MAML2: variants seen among roughly 807,000 people sequenced by gnomAD.
MAML2 encodes the protein mastermind-like protein 2.
MAML2 carries 22 observed loss-of-function variants against 96.1 expected under a neutral mutation model. The ratio of observed to expected loss-of-function variants is 0.23; its 90% CI spans 0.16 to 0.33. The LOEUF (loss-of-function observed/expected upper bound fraction) is 0.33. Among genes scored for constraint, MAML2 ranks in the 10% least tolerant of loss-of-function variants. MAML2 has a pLI of 1.00. For synonymous variants in MAML2, 561 were observed against 521.3 expected (o/e 1.08, Z -1.04); for missense variants, 1,367 against 1,392.4 (o/e 0.98, Z 0.29).
intron 1 of MAML2, among the ~76,000 whole-genome samples, chr11:96,126,229 T>C (rs1009946679): frequency 6.6e-6 from 1 of 152,128 alleles, no homozygotes; most frequent in Non-Finnish European, 1.5e-5. Flanking sequence ...AACAAGAATG[T>C]AAGATTTTCT....
chr11:96,251,731 C>A (rs903898659), intron 1 of MAML2, among the ~76,000 whole-genome samples: 3 of 131,058 alleles, frequency 2.3e-5, no homozygotes, highest in Non-Finnish European at 3.2e-5. Context: ...CAAATACAAA[C>A]CCTTTTTTTT....
chr11:96,087,455 G>C (rs1362538497), intron 2 of MAML2, among the ~76,000 whole-genome samples: 1 of 152,202 alleles, frequency 6.6e-6, no homozygotes, highest in Non-Finnish European at 1.5e-5. Context: ...CAGTATGTCT[G>C]TATCAACCTT....
intron 4 of MAML2, 114 bp from the exon 5 acceptor site, chr11:95,980,077 G>A: frequency 6.6e-6 from 5 of 757,324 alleles, no homozygotes; most frequent in South Asian, 1.9e-5. Context: ...GACAATTTAG[G>A]CGAAATAATG....
chr11:96,120,976 T>TG (rs1191791271), intron 1 of MAML2, among the ~76,000 whole-genome samples: 1 of 152,176 alleles, frequency 6.6e-6, no homozygotes, highest in Non-Finnish European at 1.5e-5. Flanking sequence ...CTAGGGCAAG[T>TG]GCTGTGATTT....
chr11:95,998,174 G>GTCTGTCTGTCTGTCTATCTATCTA (rs139615820), intron 2 of MAML2, among the ~76,000 whole-genome samples: 7 of 147,824 alleles, frequency 4.7e-5, no homozygotes, highest in East Asian at 2.0e-4. Flanking sequence ...CTGTCTGTCT[G>GTCTGTCTGTCTGTCTATCTATCTA]TCTATCTATC....
In MAML2 at chr11:96,170,572, A is replaced by G. The variant is rs143759804; in HGVS notation, c.514-77055T>C. ...AGGAAGCTAAGCAAGAAGAGTGTAGATTCTATTCCTTCACAAAGAAGGGGT... is the reference window on the plus strand; with the variant it reads ...AGGAAGCTAAGCAAGAAGAGTGTAGGTTCTATTCCTTCACAAAGAAGGGGT... On this transcript the variant is annotated intron_variant, in intron 1 of 4. Coordinates refer to ENST00000524717, the MANE Select transcript of MAML2 (RefSeq NM_032427.4). Among the ~76,000 whole-genome samples the G allele has an allele frequency of 4.5e-3, 684 of 152,320 alleles. 4 individuals are homozygous for G. Among genetic ancestry groups the G allele is most frequent in the Middle Eastern group, 0.01 (3 of 294 alleles).
At chr11:96,017,900 T>G (rs1454807469) in intron 2 of MAML2, among the ~76,000 whole-genome samples, 1 of 152,176 alleles carries the variant, frequency 6.6e-6, no homozygotes, top group Non-Finnish European at 1.5e-5. Flanking sequence ...TAGCTTTTAC[T>G]TGAATAATAA....
intron 2 of MAML2, among the ~76,000 whole-genome samples, chr11:95,996,735 C>T (rs1857996144): frequency 6.6e-6 from 1 of 152,098 alleles, no homozygotes; most frequent in South Asian, 2.1e-4. Context: ...GCTGTCATTG[C>T]CAACATGTTG....
intron 1 of MAML2, among the ~76,000 whole-genome samples, chr11:96,121,048 A>G (rs1043982069): frequency 6.7e-6 from 1 of 149,068 alleles, no homozygotes; most frequent in South Asian, 2.2e-4. Flanking sequence ...ATTCATAACT[A>G]ACGAAAAAGT....
intron 1 of MAML2, among the ~76,000 whole-genome samples, chr11:96,129,057 T>G (rs541690255): frequency 6.6e-6 from 1 of 152,192 alleles, no homozygotes; most frequent in Non-Finnish European, 1.5e-5. Context: ...AGATTAGCCA[T>G]CTACATGGCA....
chr11:96,266,782 C>T (rs1229220151), intron 1 of MAML2, among the ~76,000 whole-genome samples: 1 of 152,112 alleles, frequency 6.6e-6, no homozygotes, highest in African/African-American at 2.4e-5. Context: ...CAGGCTTTTA[C>T]TCTTATGTGG....
At chr11:96,146,440 ACAGGG>A (rs1275680424) in intron 1 of MAML2, among the ~76,000 whole-genome samples, 6 of 152,348 alleles carry the variant, frequency 3.9e-5, no homozygotes, top group South Asian at 2.1e-4. Context: ...GGGAGGCAGG[ACAGGG>A]GACAAACCAT....
intron 1 of MAML2, among the ~76,000 whole-genome samples, chr11:96,247,040 T>C (rs1565261533): frequency 6.6e-6 from 1 of 152,104 alleles, no homozygotes; most frequent in Admixed American, 6.6e-5. Flanking sequence ...CCTCCTTACA[T>C]AAGGACCTTA....
intron 2 of MAML2, among the ~76,000 whole-genome samples, chr11:95,993,590 A>T (rs1857948975): frequency 6.6e-6 from 1 of 152,134 alleles, no homozygotes; most frequent in Non-Finnish European, 1.5e-5. Flanking sequence ...ACAAACAAAC[A>T]AAAAACCACA....
intron 2 of MAML2, among the ~76,000 whole-genome samples, chr11:96,034,432 TGAGAGA>T (rs371921984): frequency 3.7e-5 from 5 of 135,748 alleles, no homozygotes; most frequent in East Asian, 4.3e-4. Flanking sequence ...TGTGTGTGTG[TGAGAGA>T]GAGAGAGAGA....
chr11:96,120,543 T>G (rs1464109744), intron 1 of MAML2, among the ~76,000 whole-genome samples: 2 of 152,212 alleles, frequency 1.3e-5, no homozygotes, highest in Admixed American at 1.3e-4. Flanking sequence ...TAAGTCTACC[T>G]CCCAGCTCCT....
chr11:96,138,508 T>C (rs945305370), intron 1 of MAML2, among the ~76,000 whole-genome samples: 2 of 152,194 alleles, frequency 1.3e-5, no homozygotes, highest in Non-Finnish European at 2.9e-5. Flanking sequence ...TTCCAGTGAC[T>C]GCTGAGATAT....
Position 96,092,544 on chromosome 11 carries a change from G to A in MAML2, c.1487C>T (p.Pro496Leu), listed in dbSNP as rs756997365. ...GQQTFSPQSSPMPGVAGGSGQ... is the reference protein window; with the variant it reads ...GQQTFSPQSSLMPGVAGGSGQ... ...GCTGCCGCCAGCTACCCCAGGCATG[G>A]GGGAGCTCTGTGGGCTGAATGTCTG... Residue 496 changes from proline (P) to leucine (L), a missense_variant, in exon 2 of 5, where the codon CCC (proline) becomes CTC (leucine). Coordinates refer to ENST00000524717, the MANE Select transcript of MAML2 (RefSeq NM_032427.4). This position sits in a 1 kb window ranked among gnomAD's most constrained non-coding sequence, Gnocchi z 4.1. 1 of 1,601,500 alleles carries A rather than the reference G, an allele frequency of 6.2e-7. No individual in the cohort carries two copies. The highest frequency in any genetic ancestry group is 1.1e-5 in the South Asian group (1 of 89,470).
At chr11:96,304,207 G>A (rs1863432263) in intron 1 of MAML2, among the ~76,000 whole-genome samples, 1 of 152,100 alleles carries the variant, frequency 6.6e-6, no homozygotes. Context: ...TGATTCTACT[G>A]CTGAGGCCTG....
Sources: allele counts gnomAD v4.1 joint callset (sites outside exome capture counted in the v4.1 genomes callset), GRCh38; gene constraint gnomAD v4.1.1; non-coding constraint Gnocchi (gnomAD v3.1); transcripts MANE v1.5; gene names NCBI Gene and HGNC (gene_info 2026-07-23, HGNC 2026-07-21).